The following LPP variants were observed in gnomAD, a reference collection of about 807,000 sequenced individuals.
LPP encodes the protein LIM domain containing preferred translocation partner in lipoma.
LPP carries 38 observed loss-of-function variants against 60.4 expected under a neutral mutation model. That is an observed-to-expected ratio of 0.63 (90% CI 0.49 to 0.83). The LOEUF (loss-of-function observed/expected upper bound fraction) is 0.83. Among genes scored for constraint, LPP ranks in the 40% least tolerant of loss-of-function variants. The probability of loss-of-function intolerance (pLI) is 0.00; values close to 1 mark genes in which losing one functional copy is unlikely to be tolerated. For missense variants in LPP, 902 were observed against 783.6 expected (o/e 1.15, Z -1.80); for synonymous variants, 328 against 290.8 (o/e 1.13, Z -1.30).
rs192027785 is a variant in LPP at position 188,323,537 on chromosome 3, A to G, written c.-66-18126A>G. On this transcript the variant is annotated intron_variant, in intron 2 of 11. Coordinates refer to ENST00000617246, the MANE Select transcript of LPP (RefSeq NM_001375462.1). ...ATAAAGTCGAGGGTAAACAGAGGCC[A>G]TGGAAAAGCACTAGAGTTTGAGTGC... Among the ~76,000 whole-genome samples, 11 of 152,354 alleles carry G rather than the reference A, an allele frequency of 7.2e-5. No homozygotes were observed. The East Asian group carries it at 2.1e-3, about 29-fold the overall frequency.
At chr3:188,171,139 C>T (rs1371004253) in intron 1 of LPP, among the ~76,000 whole-genome samples, 1 of 152,186 alleles carries the variant, frequency 6.6e-6, no homozygotes, top group African/African-American at 2.4e-5. Flanking sequence ...GCTATGTGTA[C>T]TCTCAGGGCC....
chr3:188,300,765 TAGA>T (rs1749562315), intron 2 of LPP, among the ~76,000 whole-genome samples: 1 of 152,220 alleles, frequency 6.6e-6, no homozygotes, highest in Non-Finnish European at 1.5e-5. Flanking sequence ...TTTCTCTTCA[TAGA>T]AGGATACAAT....
chr3:188,239,571 T>G (rs1723124613), intron 2 of LPP, among the ~76,000 whole-genome samples: 1 of 152,230 alleles, frequency 6.6e-6, no homozygotes, highest in Admixed American at 6.5e-5. Context: ...CTTAATCATT[T>G]TATCAATATT....
intron 6 of LPP, among the ~76,000 whole-genome samples, chr3:188,549,308 A>G (rs1827453566): frequency 6.6e-6 from 1 of 152,132 alleles, no homozygotes; most frequent in Admixed American, 6.5e-5. Flanking sequence ...CCACCTGTAT[A>G]TTAAAGCTCT....
chr3:188,762,281 C>T (rs562400080), intron 9 of LPP, among the ~76,000 whole-genome samples: 5 of 152,128 alleles, frequency 3.3e-5, no homozygotes, highest in South Asian at 2.1e-4. Context: ...ATAATGGGGA[C>T]GATGGCAGTT....
chr3:188,834,143 G>C (rs1441839480), intron 9 of LPP, among the ~76,000 whole-genome samples: 1 of 151,932 alleles, frequency 6.6e-6, no homozygotes, highest in Non-Finnish European at 1.5e-5. Context: ...CTTCCCCTTT[G>C]GTCTGAATGT....
chr3:188,834,253 T>C (rs752999705), intron 9 of LPP, among the ~76,000 whole-genome samples: 1 of 151,908 alleles, frequency 6.6e-6, no homozygotes, highest in Non-Finnish European at 1.5e-5. Flanking sequence ...CTATTGGTGC[T>C]GCAATTTGTA....
intron 5 of LPP, among the ~76,000 whole-genome samples, chr3:188,496,098 G>A (rs1420878814): frequency 1.3e-5 from 2 of 151,744 alleles, no homozygotes; most frequent in Non-Finnish European, 2.9e-5. Context: ...CTTGTACAGG[G>A]CCTCCTAGCC....
chr3:188,412,823 A>AT (rs1259572420), intron 4 of LPP, among the ~76,000 whole-genome samples: 3 of 152,098 alleles, frequency 2.0e-5, no homozygotes, highest in Non-Finnish European at 4.4e-5. Context: ...AGCCTGGATT[A>AT]TTTTTTTATG....
intron 7 of LPP, among the ~76,000 whole-genome samples, chr3:188,694,708 AAAT>A (rs1862855029): frequency 1.3e-5 from 2 of 151,242 alleles, no homozygotes. Context: ...AAAAAAAAAA[AAAT>A]AAATAAAAAC....
At chr3:188,410,684 G>A (rs954597392) in intron 4 of LPP, among the ~76,000 whole-genome samples, 2 of 151,940 alleles carry the variant, frequency 1.3e-5, no homozygotes, top group Admixed American at 1.3e-4. Flanking sequence ...CTTTCTCTGT[G>A]TTCAATGCTT....
chr3:188,158,909 G>A (rs190858955), intron 1 of LPP, among the ~76,000 whole-genome samples: 50 of 152,306 alleles, frequency 3.3e-4, no homozygotes, highest in African/African-American at 1.1e-3. Flanking sequence ...TCACAATTGA[G>A]GATTCACATG....
At chr3:188,792,596 C>A (rs1744119459) in intron 9 of LPP, among the ~76,000 whole-genome samples, 1 of 151,904 alleles carries the variant, frequency 6.6e-6, no homozygotes, top group African/African-American at 2.4e-5. Flanking sequence ...GGAAAGCCCA[C>A]AGTTTTTTTG....
chr3:188,421,156 GC>G (rs1560381750), intron 4 of LPP, among the ~76,000 whole-genome samples: 1 of 152,098 alleles, frequency 6.6e-6, no homozygotes, highest in African/African-American at 2.4e-5. Context: ...TCTTTAGACT[GC>G]AACATGCTTT....
intron 7 of LPP, among the ~76,000 whole-genome samples, chr3:188,650,850 C>T (rs191528764): frequency 1.3e-5 from 2 of 152,126 alleles, no homozygotes; most frequent in African/African-American, 2.4e-5. Context: ...AATTCAGTCA[C>T]GCCCATTTGC....
chr3:188,320,421 A>G (rs1222210957), intron 2 of LPP, among the ~76,000 whole-genome samples: 2 of 152,212 alleles, frequency 1.3e-5, no homozygotes, highest in Admixed American at 1.3e-4. Context: ...TGGTGAGCTC[A>G]GTCACAGTGC....
intron 3 of LPP, among the ~76,000 whole-genome samples, chr3:188,378,823 C>T (rs1277145919): frequency 6.6e-6 from 1 of 152,242 alleles, no homozygotes; most frequent in East Asian, 1.9e-4. Context: ...GAGCTGTAGA[C>T]TGGAGGTGTT....
chr3:188,753,983 C>G (rs1729216106), intron 8 of LPP, among the ~76,000 whole-genome samples: 3 of 152,248 alleles, frequency 2.0e-5, no homozygotes, highest in East Asian at 1.9e-4. Flanking sequence ...ATTCACAGAG[C>G]TAAATGGCAA....
At chr3:188,451,946 A>G (rs762163141) in intron 4 of LPP, among the ~76,000 whole-genome samples, 3 of 152,178 alleles carry the variant, frequency 2.0e-5, no homozygotes, top group Non-Finnish European at 4.4e-5. Flanking sequence ...AAGACAGAAC[A>G]CTAGGAGATG....
Sources: allele counts gnomAD v4.1 joint callset (sites outside exome capture counted in the v4.1 genomes callset), GRCh38; gene constraint gnomAD v4.1.1; transcripts MANE v1.5; gene names NCBI Gene and HGNC (gene_info 2026-07-23, HGNC 2026-07-21).